Variants in CCDC6 observed in about 807,000 individuals in gnomAD.
The protein encoded by CCDC6 is coiled-coil domain-containing protein 6.
In CCDC6, 20 loss-of-function variants were observed where a neutral mutation model predicts 56.6. That is an observed-to-expected ratio of 0.35 (90% CI 0.25 to 0.51). The LOEUF is 0.51. Among genes scored for constraint, CCDC6 ranks in the 20% least tolerant of loss-of-function variants. The probability of loss-of-function intolerance (pLI) is 0.95; values close to 1 mark genes in which losing one functional copy is unlikely to be tolerated. For missense variants in CCDC6, 367 were observed against 601.1 expected (o/e 0.61, Z 4.07); for synonymous variants, 241 against 234.4 (o/e 1.03, Z -0.26).
intron 5 of CCDC6, among the ~76,000 whole-genome samples, chr10:59,808,233 A>AC (rs1423861811): frequency 6.6e-6 from 1 of 151,990 alleles, no homozygotes; most frequent in African/African-American, 2.4e-5. Flanking sequence ...CACTTAGACT[A>AC]CCTCTCCCAG....
At chr10:59,851,116 A>C (rs553721809) in intron 2 of CCDC6, among the ~76,000 whole-genome samples, 28 of 149,546 alleles carry the variant, frequency 1.9e-4, no homozygotes, top group Admixed American at 1.2e-3. Context: ...ACTCCAAAAA[A>C]CAACCATGTA....
At chr10:59,874,376 T>C (rs919967452) in intron 1 of CCDC6, among the ~76,000 whole-genome samples, 4 of 152,200 alleles carry the variant, frequency 2.6e-5, no homozygotes, top group African/African-American at 9.7e-5. Flanking sequence ...AATTATCACA[T>C]TGAAATCCTC....
At chr10:59,838,721 G>A (rs559733605) in intron 2 of CCDC6, among the ~76,000 whole-genome samples, 3 of 152,162 alleles carry the variant, frequency 2.0e-5, no homozygotes, top group East Asian at 1.9e-4. Context: ...ATACTGGTCC[G>A]GGGCTTCTAG....
At chr10:59,844,202 G>A (rs112189909) in intron 2 of CCDC6, among the ~76,000 whole-genome samples, 6 of 152,122 alleles carry the variant, frequency 3.9e-5, no homozygotes, top group East Asian at 3.9e-4. Context: ...AAATAGCTAC[G>A]TTCTTCCAGA....
intron 7 of CCDC6, among the ~76,000 whole-genome samples, chr10:59,804,072 C>T (rs2070598998): frequency 1.3e-5 from 2 of 152,094 alleles, no homozygotes; most frequent in African/African-American, 4.8e-5. Context: ...AAAAGGTGTG[C>T]TATGATGCAT....
chr10:59,804,152 TTTTTAAAAGGTG>T (rs1294202924), intron 7 of CCDC6, among the ~76,000 whole-genome samples: 2 of 151,578 alleles, frequency 1.3e-5, no homozygotes, highest in East Asian at 3.9e-4. Context: ...GACATTCTTC[TTTTTAAAAGGTG>T]TTTTACAGTC....
chr10:59,814,251 A>G (rs541888308), intron 4 of CCDC6, among the ~76,000 whole-genome samples: 1 of 152,330 alleles, frequency 6.6e-6, no homozygotes, highest in African/African-American at 2.4e-5. Context: ...CTTCCTAAAG[A>G]AGTAAATTCC....
intron 2 of CCDC6, among the ~76,000 whole-genome samples, chr10:59,836,119 A>G (rs11815103): frequency 0.18 from 27,859 of 150,618 alleles, 3,731 homozygotes; most frequent in African/African-American, 0.38. Context: ...CCCTAAAATC[A>G]TGAGACAAGG....
chr10:59,897,656 A>T (rs2071473881), intron 1 of CCDC6, among the ~76,000 whole-genome samples: 1 of 152,172 alleles, frequency 6.6e-6, no homozygotes, highest in Non-Finnish European at 1.5e-5. Flanking sequence ...TTTCTCTCAG[A>T]TCTGTCCCTT....
At chr10:59,855,520 C>T (rs182604768) in intron 1 of CCDC6, among the ~76,000 whole-genome samples, 2 of 152,264 alleles carry the variant, frequency 1.3e-5, no homozygotes, top group Non-Finnish European at 2.9e-5. Flanking sequence ...GAGCCAAGAT[C>T]GTGCCACTGC....
At chr10:59,887,633 T>C (rs2071392752) in intron 1 of CCDC6, among the ~76,000 whole-genome samples, 2 of 152,132 alleles carry the variant, frequency 1.3e-5, no homozygotes, top group African/African-American at 2.4e-5. Flanking sequence ...AAAAATTCAA[T>C]TAAAAATATT....
intron 3 of CCDC6, among the ~76,000 whole-genome samples, chr10:59,829,116 T>TAA (rs987685436): frequency 4.6e-5 from 7 of 152,346 alleles, no homozygotes; most frequent in Admixed American, 4.6e-4. Flanking sequence ...TTCAGTGAGA[T>TAA]AAACTTACAG....
At chr10:59,812,346 G>A (rs140345968) in intron 5 of CCDC6, among the ~76,000 whole-genome samples, 128 of 152,062 alleles carry the variant, frequency 8.4e-4, no homozygotes, top group Middle Eastern at 3.4e-3. Context: ...CAATCCTAGA[G>A]ATAAACATGG....
At chr10:59,843,727 C>G (rs2070963238) in intron 2 of CCDC6, among the ~76,000 whole-genome samples, 1 of 152,176 alleles carries the variant, frequency 6.6e-6, no homozygotes, top group African/African-American at 2.4e-5. Flanking sequence ...ATTCCATCTC[C>G]TTTGGCTAAG....
intron 1 of CCDC6, among the ~76,000 whole-genome samples, chr10:59,893,658 A>G (rs145044995): frequency 3.8e-4 from 53 of 140,722 alleles, no homozygotes; most frequent in African/African-American, 1.2e-3. Flanking sequence ...ATACATACAT[A>G]CATACATACA....
intron 2 of CCDC6, among the ~76,000 whole-genome samples, chr10:59,850,061 T>C (rs2071024805): frequency 6.6e-6 from 1 of 152,174 alleles, no homozygotes; most frequent in Admixed American, 6.5e-5. Flanking sequence ...AAAATAGACA[T>C]GTTGTGACAC....
chr10:59,826,913 C>A (rs1240593091), intron 3 of CCDC6, among the ~76,000 whole-genome samples: 1 of 152,184 alleles, frequency 6.6e-6, no homozygotes, highest in Non-Finnish European at 1.5e-5. Context: ...GGAGAGCTAA[C>A]AGATTAGAGT....
At chr10:59,885,058 C>T (rs748525305) in intron 1 of CCDC6, among the ~76,000 whole-genome samples, 1 of 57,350 alleles carries the variant, frequency 1.7e-5, no homozygotes, top group Non-Finnish European at 3.2e-5. Context: ...AGCGAGACTC[C>T]GTAACAACAA....
intron 1 of CCDC6, among the ~76,000 whole-genome samples, chr10:59,861,475 A>G (rs967018846): frequency 2.0e-5 from 3 of 151,976 alleles, no homozygotes; most frequent in African/African-American, 7.2e-5. Context: ...TAAAAACAAA[A>G]TCAAGATACA....
Sources: gnomAD v4.1 joint callset for allele counts (sites outside exome capture counted in the v4.1 genomes callset) on GRCh38, gnomAD v4.1.1 for gene constraint, MANE v1.5 for transcripts, NCBI Gene and HGNC (gene_info 2026-07-23, HGNC 2026-07-21) for gene names.